ZNF22: variants seen among roughly 807,000 people sequenced by gnomAD.
The protein encoded by ZNF22 is zinc finger protein 22, also known as krox-26 protein.
In ZNF22, 15 loss-of-function variants were observed where a neutral mutation model predicts 17.0. The observed-to-expected ratio is 0.88, with a 90% CI of 0.59 to 1.36. ZNF22 has a LOEUF of 1.36. Among genes scored for constraint, ZNF22 ranks in the 40% most tolerant of loss-of-function variants. The probability of loss-of-function intolerance (pLI) is 0.00; values close to 1 mark genes in which losing one functional copy is unlikely to be tolerated. For missense variants in ZNF22, 272 were observed against 276.1 expected, an observed-to-expected ratio of 0.98 and a Z score of 0.11; for synonymous variants, 84 against 90.7, an observed-to-expected ratio of 0.93 and a Z score of 0.42.
rs1842349466 is a variant in ZNF22, at chr10:45,003,426, T to A, written c.58T>A (p.Tyr20Asn). ...ISRSSSQGKA[Y>N]ENKRKTGRQR... ...TCGGAGCTCAAGCCAAGGAAAGGCC[T>A]ATGAGAACAAGCGCAAAACAGGCCG... The change falls in exon 2 of 2, where the codon TAT (tyrosine) becomes AAT (asparagine). Residue 20 changes from tyrosine to asparagine, a missense_variant. Physicochemically the swap from Tyr to Asn is moderately radical, Grantham distance 143. Transcript: ENST00000298299. 1 of 1,614,058 alleles carries A rather than the reference T, an allele frequency of 6.2e-7. No homozygotes were observed. The highest frequency in any genetic ancestry group is 1.7e-5 in the Admixed American group (1 of 60,006).
At chr10:45,001,175 G>C (rs1332994402) in intron 1 of ZNF22, among the ~76,000 whole-genome samples, 197 bp downstream of exon 1, 2 of 150,780 alleles carry the variant, frequency 1.3e-5, no homozygotes, top group East Asian at 2.0e-4. Context: ...CGCGGCCTGC[G>C]CGGCGGGCGG....
chr10:45,001,188 C>A (rs112249721), intron 1 of ZNF22, among the ~76,000 whole-genome samples: 12,562 of 150,842 alleles, frequency 0.083, 630 homozygotes, highest in South Asian at 0.17. Context: ...GCGGGCGGGC[C>A]GGGTCAATGA....
chr10:45,003,325 A>C lies in ZNF22; in HGVS notation c.-44A>C. On this transcript the variant is annotated 5_prime_UTR_variant, in exon 2 of 2. Coordinates refer to ENST00000298299, the MANE Select transcript of ZNF22 (RefSeq NM_006963.5). Reference sequence around the variant, plus strand: ...TCTAGGAAATGAAACACTAGTTCAGAAGAAGCCTGTAAACTCTCTTACAAA... The same window carrying C: ...TCTAGGAAATGAAACACTAGTTCAGCAGAAGCCTGTAAACTCTCTTACAAA... 1 of 1,523,920 alleles carries C rather than the reference A, an allele frequency of 6.6e-7. No homozygotes were observed. Among genetic ancestry groups the C allele is most frequent in the African/African-American group, 1.4e-5 (1 of 71,862 alleles). 94.4% of individuals were successfully genotyped at this position (1,523,920 alleles called of 1,614,324 possible). A position where few individuals can be genotyped will look rare whatever the true frequency, so the allele number is the denominator to read the frequency against.
chr10:45,003,194 T>C (rs1041988143), intron 1 of ZNF22, 86 bp from the exon 2 acceptor site: 2 of 516,770 alleles, frequency 3.9e-6, no homozygotes, highest in Non-Finnish European at 6.5e-6. Context: ...TTTGGTGGGT[T>C]GAAGAGATAT....
In ZNF22 at chr10:45,004,026, G is replaced by A. The variant is rs1564475205; in HGVS notation, c.658G>A (p.Val220Met). ...GAAAGCTGGTACAGGAAGGAAGTCTGTGGCTGGTCTCCGTTAAGTATAGGG... is the reference window on the plus strand; with the variant it reads ...GAAAGCTGGTACAGGAAGGAAGTCTATGGCTGGTCTCCGTTAAGTATAGGG... ...SWKAGTGRKS[V>M]AGLR The change falls in exon 2 of 2, where the codon GTG becomes ATG. Residue 220 changes from valine (V) to methionine (M), a missense_variant. By Grantham distance (21) the Val-to-Met change is conservative. Coordinates refer to ENST00000298299, the MANE Select transcript of ZNF22 (RefSeq NM_006963.5). 1.9e-6 allele frequency: 3 copies of A among 1,610,894 alleles called. No homozygotes were observed. The highest frequency in any genetic ancestry group is 2.5e-6 in the Non-Finnish European group (3 of 1,178,148).
chr10:45,003,509 A>G lies in ZNF22; in HGVS notation c.141A>G (p.Arg47=). The G allele has an allele frequency of 6.2e-7, 1 of 1,614,288 alleles. No individual in the cohort carries two copies. The highest frequency in any genetic ancestry group is 8.5e-7 in the Non-Finnish European group (1 of 1,180,044). The change falls in exon 2 of 2, where the codon AGA becomes AGG. Residue 47 remains arginine (R), a synonymous_variant. Transcript: ENST00000298299. ...TTGACTCAAGCTTCAGTAGACTCAG[A>G]AGAAGCTTGGATGACAAACCCTATA... ...IRFDSSFSRL[R]RSLDDKPYKC...
intron 1 of ZNF22, among the ~76,000 whole-genome samples, chr10:45,001,402 A>G (rs1457946203): frequency 6.6e-6 from 1 of 152,192 alleles, no homozygotes; most frequent in African/African-American, 2.4e-5. Context: ...ACTCATTGCA[A>G]CTTCTAACAT....
chr10:45,001,406 C>G (rs1185945534), intron 1 of ZNF22, among the ~76,000 whole-genome samples: 2 of 152,166 alleles, frequency 1.3e-5, no homozygotes, highest in Non-Finnish European at 2.9e-5. Context: ...ATTGCAACTT[C>G]TAACATCTTG....
rs1346677750 is a variant in ZNF22, at chr10:45,004,071, G to A, written c.*28G>A. The A allele has an allele frequency of 6.5e-7, 1 of 1,542,058 alleles. No homozygotes were observed. The highest frequency in any genetic ancestry group is 1.7e-4 in the Middle Eastern group (1 of 5,738). On this transcript the variant is annotated 3_prime_UTR_variant, in exon 2 of 2. Transcript: ENST00000298299. ...ATAGGGCTTTTTGACAGCTTTTTGAGACCTCTTAAGAAAAAATAAAAAGTA... is the reference window on the plus strand; with the variant it reads ...ATAGGGCTTTTTGACAGCTTTTTGAAACCTCTTAAGAAAAAATAAAAAGTA...
Position 45,002,732 on chromosome 10 carries a change from G to A in ZNF22, c.-89-548G>A, listed in dbSNP as rs950540294. The A allele has an allele frequency of 2.0e-5, 3 of 152,172 alleles. No individual in the cohort carries two copies. The South Asian group carries it at 6.2e-4, about 32-fold the overall frequency. 9.4% of individuals were successfully genotyped at this position (152,172 alleles called of 1,614,324 possible). On this transcript the variant is annotated intron_variant, in intron 1 of 1. Coordinates refer to ENST00000298299, the MANE Select transcript of ZNF22 (RefSeq NM_006963.5). The stretch of plus-strand genomic sequence containing the variant: ...ACTGTCATCTAGAGCTATGGAAATC[G>A]AATGCTAAATACAGATAAACAGGAA...
rs1445504900 is a variant in ZNF22 at position 45,004,114 on chromosome 10, T to C, written c.*71T>C. The C allele has an allele frequency of 1.5e-5, 22 of 1,457,836 alleles. No homozygotes were observed. Among genetic ancestry groups the C allele is most frequent in the Non-Finnish European group, 1.8e-5 (19 of 1,083,800 alleles). The allele number at this position is 1,457,836 out of a possible 1,614,324, so 90.3% of individuals were successfully genotyped here. ...AAAAAGTAAAAAATGAAAGGAATCT[T>C]TTTTAGAAATAGAGATGCTTTATAG... On this transcript the variant is annotated 3_prime_UTR_variant, in exon 2 of 2. Transcript: ENST00000298299.
chr10:45,003,470 C>T lies in ZNF22; in HGVS notation c.102C>T (p.Gly34=), dbSNP rs1842350015. ...RKTGRQRQKW[G]MTIRFDSSFS... Reference sequence around the variant, plus strand: ...CAGGCCGGCAGCGGCAGAAGTGGGGCATGACTATTCGATTTGACTCAAGCT... The same window carrying T: ...CAGGCCGGCAGCGGCAGAAGTGGGGTATGACTATTCGATTTGACTCAAGCT... The change falls in exon 2 of 2, where the codon GGC becomes GGT. Residue 34 remains glycine (G), a synonymous_variant. Transcript: ENST00000298299. 1.4e-5 allele frequency: 23 copies of T among 1,614,232 alleles called. No individual in the cohort carries two copies. The highest frequency in any genetic ancestry group is 1.9e-5 in the Non-Finnish European group (23 of 1,180,038).
chr10:45,003,243 C>T, intron 1 of ZNF22, 37 bp from the exon 2 acceptor site: 2 of 799,180 alleles, frequency 2.5e-6, no homozygotes, highest in Non-Finnish European at 1.8e-6. Flanking sequence ...AATTTTTTTT[C>T]TGATCATCTC....
In ZNF22 at chr10:45,003,284, T is replaced by G. The variant is rs1414559521; in HGVS notation, c.-85T>G. 1 of 1,359,338 alleles carries G rather than the reference T, an allele frequency of 7.4e-7. No homozygotes were observed. Among genetic ancestry groups the G allele is most frequent in the Non-Finnish European group, 9.9e-7 (1 of 1,011,582 alleles). The allele number at this position is 1,359,338 out of a possible 1,614,324, so 84.2% of individuals were successfully genotyped here. On this transcript the variant is annotated 5_prime_UTR_variant, in exon 2 of 2. Coordinates refer to ENST00000298299, the MANE Select transcript of ZNF22 (RefSeq NM_006963.5). ...TTTTTTTCCTTCTACACACAGAAAATTCTGAGCTGTACACCTCTAGGAAAT... is the reference window on the plus strand; with the variant it reads ...TTTTTTTCCTTCTACACACAGAAAAGTCTGAGCTGTACACCTCTAGGAAAT...
Position 45,005,217 on chromosome 10 carries a change from T to C in ZNF22, c.*1174T>C, listed in dbSNP as rs1479746520. On this transcript the variant is annotated 3_prime_UTR_variant, in exon 2 of 2. Transcript: ENST00000298299. ...CCTCAGCTCAGGTTTTAATTTCTAT[T>C]GAATGCTAACATTCTTCTGATTTTT... 2 of 166,600 alleles carry C rather than the reference T, an allele frequency of 1.2e-5. No individual in the cohort carries two copies. The highest frequency in any genetic ancestry group is 2.9e-5 in the Non-Finnish European group (2 of 68,128). The allele number at this position is 166,600 out of a possible 1,614,324, so 10.3% of individuals were successfully genotyped here. A position where few individuals can be genotyped will look rare whatever the true frequency, so the allele number is the denominator to read the frequency against.
chr10:45,003,368 C>T lies in ZNF22; in HGVS notation c.-1C>T, dbSNP rs1265725962. 2.5e-6 allele frequency: 4 copies of T among 1,586,072 alleles called. No individual in the cohort carries two copies. The highest frequency in any genetic ancestry group is 3.4e-6 in the Non-Finnish European group (4 of 1,167,902). ...CTTACAAATACATTTGGTTATTCAC[C>T]ATGAGGTTAGCAAAGCCTAAAGCGG... On this transcript the variant is annotated 5_prime_UTR_variant, in exon 2 of 2. Transcript: ENST00000298299.
rs772210257 is a variant in ZNF22, at chr10:45,004,043, A to G, written c.675A>G (p.Ter225=). Residue 225 remains the stop codon, a stop_retained_variant, in exon 2 of 2, where the codon TAA becomes TAG. Coordinates refer to ENST00000298299, the MANE Select transcript of ZNF22 (RefSeq NM_006963.5). ...TGRKSVAGLR[*] Reference sequence around the variant, plus strand: ...GGAAGTCTGTGGCTGGTCTCCGTTAAGTATAGGGCTTTTTGACAGCTTTTT... The same window carrying G: ...GGAAGTCTGTGGCTGGTCTCCGTTAGGTATAGGGCTTTTTGACAGCTTTTT... The G allele has an allele frequency of 4.5e-5, 71 of 1,578,362 alleles. No homozygotes were observed. The highest frequency in any genetic ancestry group is 5.9e-5 in the Non-Finnish European group (69 of 1,164,404).
chr10:45,004,697 T>G lies in ZNF22; in HGVS notation c.*654T>G, dbSNP rs1316799233. The G allele has an allele frequency of 6.0e-6, 1 of 166,788 alleles. No individual in the cohort carries two copies. Among genetic ancestry groups the G allele is most frequent in the Non-Finnish European group, 1.5e-5 (1 of 68,064 alleles). 10.3% of individuals were successfully genotyped at this position (166,788 alleles called of 1,614,324 possible). ...CCCTTTTTTTGTTTTGTTTGTTTTGTTTTTTTTAACCAAATTCTTAGAGAT... is the reference window on the plus strand; with the variant it reads ...CCCTTTTTTTGTTTTGTTTGTTTTGGTTTTTTTAACCAAATTCTTAGAGAT... On this transcript the variant is annotated 3_prime_UTR_variant, in exon 2 of 2. Coordinates refer to ENST00000298299, the MANE Select transcript of ZNF22 (RefSeq NM_006963.5).
intron 1 of ZNF22, among the ~76,000 whole-genome samples, chr10:45,001,893 A>G (rs2132820842): frequency 6.6e-6 from 1 of 152,088 alleles, no homozygotes; most frequent in African/African-American, 2.4e-5. Flanking sequence ...TAAAAAAAAA[A>G]AAAAGCAACA....
Sources: allele counts gnomAD v4.1 joint callset (sites outside exome capture counted in the v4.1 genomes callset), GRCh38; gene constraint gnomAD v4.1.1; transcripts MANE v1.5; gene names NCBI Gene and HGNC (gene_info 2026-07-23, HGNC 2026-07-21).